PHYHIP: variants seen among roughly 807,000 people sequenced by gnomAD.
PHYHIP encodes phytanoyl-CoA 2-hydroxylase interacting protein, also known as phytanoyl-CoA hydroxylase-interacting protein.
In PHYHIP, 7 loss-of-function variants were observed where a neutral mutation model predicts 26.1. The ratio of observed to expected loss-of-function variants is 0.27; its 90% CI spans 0.15 to 0.50. PHYHIP has a LOEUF of 0.50. Ranked by LOEUF, PHYHIP falls within the 20% of genes least tolerant of loss-of-function variation. The probability of loss-of-function intolerance (pLI) is 0.98; values close to 1 mark genes in which losing one functional copy is unlikely to be tolerated. For missense variants in PHYHIP, 232 were observed against 454.7 expected (o/e 0.51, Z 4.45); for synonymous variants, 206 against 183.4 (o/e 1.12, Z -1.00).
rs1829589227 is a variant in PHYHIP at position 22,220,292 on chromosome 8, G to A, written c.*1061C>T. On this transcript the variant is annotated 3_prime_UTR_variant, in exon 5 of 5. Transcript: ENST00000454243. ...ACTTCACCAAGAACTCCCCGGGGAG[G>A]GGCTCCCGGCCAGCAGGGTGGCAGG... 1 of 152,418 alleles carries A rather than the reference G, an allele frequency of 6.6e-6. No homozygotes were observed. The highest frequency in any genetic ancestry group is 2.4e-5 in the African/African-American group (1 of 41,442). 9.4% of individuals were successfully genotyped at this position (152,418 alleles called of 1,614,324 possible). A position where few individuals can be genotyped will look rare whatever the true frequency, so the allele number is the denominator to read the frequency against.
rs1032381616 is a variant in PHYHIP, at chr8:22,226,035, C to T, written c.340+816G>A. Among the ~76,000 whole-genome samples the T allele has an allele frequency of 2.0e-5, 3 of 152,060 alleles. No individual in the cohort carries two copies. In the South Asian group the frequency reaches 6.2e-4, roughly 32 times the overall value. On this transcript the variant is annotated intron_variant, in intron 3 of 4. Transcript: ENST00000454243. ...AATCTTGTGGGGGCAGACCCTGAGT[C>T]GTGAGGGACCAAGCACACATAGGCC... is the stretch of plus-strand genomic sequence containing the variant.
intron 1 of PHYHIP, among the ~76,000 whole-genome samples, chr8:22,230,987 A>C (rs1273094873): frequency 2.6e-5 from 4 of 152,314 alleles, no homozygotes; most frequent in East Asian, 3.9e-4. Flanking sequence ...GTGTTCATAC[A>C]CACAGCAGCC....
At chr8:22,222,417 G>A (rs555979469) in intron 4 of PHYHIP, among the ~76,000 whole-genome samples, 3 of 152,286 alleles carry the variant, frequency 2.0e-5, no homozygotes, top group East Asian at 3.9e-4. Flanking sequence ...ACCTGCACTT[G>A]ACAAATTTTT....
At chr8:22,227,298 C>T (rs554085823) in intron 2 of PHYHIP, among the ~76,000 whole-genome samples, 10 of 152,330 alleles carry the variant, frequency 6.6e-5, no homozygotes, top group Non-Finnish European at 1.0e-4. Context: ...GCAAGGCCTT[C>T]ATTTTTTAAG....
At position 22,221,383 on chromosome 8, in the gene PHYHIP, G is replaced by A; in HGVS notation, c.963C>T (p.Cys321=). 3.1e-6 allele frequency: 5 copies of A among 1,601,786 alleles called. No individual in the cohort carries two copies. Among genetic ancestry groups the A allele is most frequent in the Middle Eastern group, 1.7e-4 (1 of 6,002 alleles). The change falls in exon 5 of 5, where the codon TGC becomes TGT. Residue 321 remains cysteine (C), a synonymous_variant. Coordinates refer to ENST00000454243, the MANE Select transcript of PHYHIP (RefSeq NM_014759.5). The surrounding 1 kb of genome is among the most constrained non-coding windows in gnomAD (Gnocchi z 7.9). The part of the protein sequence containing the change: ...STADAKKDPS[C]KTCNISVGR ...GGCCCACGCTGATGTTGCAGGTCTTGCAGCTGGGGTCCTTCTTGGCATCGG... is the reference window on the plus strand; with the variant it reads ...GGCCCACGCTGATGTTGCAGGTCTTACAGCTGGGGTCCTTCTTGGCATCGG...
Position 22,232,012 on chromosome 8 carries a change from A to T in PHYHIP, c.-246T>A, listed in dbSNP as rs11547661. On this transcript the variant is annotated 5_prime_UTR_variant, in exon 1 of 5. Coordinates refer to ENST00000454243, the MANE Select transcript of PHYHIP (RefSeq NM_014759.5). ...GCGCGTCGCTGCTGCCCCTGGTGAG[A>T]CGATGTTCCCAGCTGAGCAGCGCAA... 1 of 153,190 alleles carries T rather than the reference A, an allele frequency of 6.5e-6. No individual in the cohort carries two copies. Among genetic ancestry groups the T allele is most frequent in the Non-Finnish European group, 1.5e-5 (1 of 68,046 alleles). The allele number at this position is 153,190 out of a possible 1,614,324, so 9.5% of individuals were successfully genotyped here. A position where few individuals can be genotyped will look rare whatever the true frequency, so the allele number is the denominator to read the frequency against.
intron 1 of PHYHIP, among the ~76,000 whole-genome samples, chr8:22,230,167 G>C (rs1361186181): frequency 6.6e-6 from 1 of 152,056 alleles, no homozygotes; most frequent in Non-Finnish European, 1.5e-5. Context: ...TGGGAACCTG[G>C]TGAGAAGCTC....
rs990452960 is a variant in PHYHIP at position 22,231,833 on chromosome 8, G to T, written c.-67C>A. 30 of 152,282 alleles carry T rather than the reference G, an allele frequency of 2.0e-4. No homozygotes were observed. Among genetic ancestry groups the T allele is most frequent in the Non-Finnish European group, 3.7e-4 (25 of 68,084 alleles). 9.4% of individuals were successfully genotyped at this position (152,282 alleles called of 1,614,324 possible). A position where few individuals can be genotyped will look rare whatever the true frequency, so the allele number is the denominator to read the frequency against. The stretch of plus-strand genomic sequence containing the variant: ...GGCTCTGCAGAGGAAAAGCTCGCAG[G>T]GAGGACAGGGAGAGACCTCTGCGTG... On this transcript the variant is annotated 5_prime_UTR_variant, in exon 1 of 5. Coordinates refer to ENST00000454243, the MANE Select transcript of PHYHIP (RefSeq NM_014759.5).
rs759125101 is a variant in PHYHIP, at chr8:22,228,285, C to T, written c.73G>A (p.Ala25Thr). The T allele has an allele frequency of 1.2e-6, 2 of 1,612,540 alleles. No homozygotes were observed. The highest frequency in any genetic ancestry group is 2.2e-5 in the South Asian group (2 of 90,952). The change falls in exon 2 of 5, where the codon GCC (alanine) becomes ACC (threonine). Residue 25 changes from alanine (A) to threonine (T), a missense_variant. Ala to Thr is a moderately conservative substitution (Grantham distance 58). Coordinates refer to ENST00000454243, the MANE Select transcript of PHYHIP (RefSeq NM_014759.5). ...CTCTCCAGGTCACTGTCCTCCATGG[C>T]CCAGGAGATGCGGAAGGAGTCGCAG... The part of the protein sequence containing the change: ...ITCDSFRISW[A>T]MEDSDLERVT...
At chr8:22,229,302 G>A (rs1393868425) in intron 1 of PHYHIP, among the ~76,000 whole-genome samples, 1 of 152,168 alleles carries the variant, frequency 6.6e-6, no homozygotes, top group Non-Finnish European at 1.5e-5. Context: ...TGGGGGTGGA[G>A]GGGCACATGT....
chr8:22,226,890 C>A lies in PHYHIP; in HGVS notation c.301G>T (p.Val101Leu). Residue 101 changes from valine to leucine, a missense_variant, in exon 3 of 5, where the codon GTG becomes TTG. Coordinates refer to ENST00000454243, the MANE Select transcript of PHYHIP (RefSeq NM_014759.5). Reference sequence around the variant, plus strand: ...TCCACCGTCTCGCTCCAGCCGGACACCAGGTACTCCCCATCGCTCTGCTTC... The same window carrying A: ...TCCACCGTCTCGCTCCAGCCGGACAACAGGTACTCCCCATCGCTCTGCTTC... The part of the protein sequence containing the change: ...AVKQSDGEYL[V>L]SGWSETVEFC... The A allele has an allele frequency of 6.2e-7, 1 of 1,614,094 alleles. No individual in the cohort carries two copies. Among genetic ancestry groups the A allele is most frequent in the Non-Finnish European group, 8.5e-7 (1 of 1,179,984 alleles).
At chr8:22,224,582 A>G (rs1829703797) in intron 3 of PHYHIP, among the ~76,000 whole-genome samples, 1 of 152,194 alleles carries the variant, frequency 6.6e-6, no homozygotes, top group Admixed American at 6.5e-5. Flanking sequence ...ACATTGCCAG[A>G]GGCTCCGGGC....
intron 3 of PHYHIP, among the ~76,000 whole-genome samples, chr8:22,226,163 C>T (rs1278429527): frequency 6.6e-6 from 1 of 152,176 alleles, no homozygotes; most frequent in Non-Finnish European, 1.5e-5. Flanking sequence ...AGGCTCAGAA[C>T]AAGTGAAATG....
At chr8:22,231,360 T>C (rs1008485047) in intron 1 of PHYHIP, among the ~76,000 whole-genome samples, 3 of 152,194 alleles carry the variant, frequency 2.0e-5, no homozygotes, top group African/African-American at 7.2e-5. Context: ...CAGAAAGATA[T>C]GTTTCTAGAC....
At chr8:22,230,982 C>A (rs892150466) in intron 1 of PHYHIP, among the ~76,000 whole-genome samples, 1 of 152,226 alleles carries the variant, frequency 6.6e-6, no homozygotes, top group Non-Finnish European at 1.5e-5. Context: ...CATGTGTGTT[C>A]ATACACACAG....
intron 1 of PHYHIP, among the ~76,000 whole-genome samples, chr8:22,231,124 C>T (rs964247810): frequency 4.6e-5 from 7 of 152,210 alleles, no homozygotes; most frequent in African/African-American, 9.6e-5. Context: ...TGTGCACCTA[C>T]GTGGCTCTGC....
intron 4 of PHYHIP, among the ~76,000 whole-genome samples, chr8:22,222,800 G>A (rs545029295): frequency 1.3e-5 from 2 of 152,280 alleles, no homozygotes; most frequent in African/African-American, 2.4e-5. Flanking sequence ...GTGCAGTGGT[G>A]CAATCACAGC....
At chr8:22,229,314 T>C (rs1046970053) in intron 1 of PHYHIP, among the ~76,000 whole-genome samples, 1 of 152,188 alleles carries the variant, frequency 6.6e-6, no homozygotes, top group Non-Finnish European at 1.5e-5. Flanking sequence ...GGCACATGTG[T>C]GGCGTGTGTG....
At chr8:22,223,899 G>T in intron 4 of PHYHIP, 1 of 234,900 alleles carries the variant, frequency 4.3e-6, no homozygotes, top group South Asian at 8.5e-5. Context: ...TGGCCCCAGG[G>T]CCTGAATCGG....
Sources: allele counts gnomAD v4.1 joint callset (sites outside exome capture counted in the v4.1 genomes callset), GRCh38; gene constraint gnomAD v4.1.1; non-coding constraint Gnocchi (gnomAD v3.1); transcripts MANE v1.5; gene names NCBI Gene and HGNC (gene_info 2026-07-23, HGNC 2026-07-21).